Variants in SNAP91 observed in about 807,000 individuals in gnomAD.
SNAP91 encodes the protein synaptosome associated protein 91.
Under a neutral mutation model 100.3 loss-of-function variants are expected in SNAP91, and 27 were observed. The observed-to-expected ratio is 0.27, with a 90% CI of 0.20 to 0.37. The LOEUF is 0.37. Among genes scored for constraint, SNAP91 ranks in the 10% least tolerant of loss-of-function variants. The pLI is 1.00. For synonymous variants in SNAP91, 404 were observed against 398.6 expected (o/e 1.01, Z -0.16); for missense variants, 986 against 1,123.7 (o/e 0.88, Z 1.75).
At chr6:83,632,626 A>G in intron 8 of SNAP91, among the ~76,000 whole-genome samples, 1 of 152,224 alleles carries the variant, frequency 6.6e-6, no homozygotes. Flanking sequence ...TAATTTGAAG[A>G]CCTTGTCTTT....
chr6:83,693,815 T>C (rs1003416684), intron 2 of SNAP91, among the ~76,000 whole-genome samples: 4 of 152,206 alleles, frequency 2.6e-5, no homozygotes, highest in Admixed American at 2.0e-4. Flanking sequence ...GAACCATCCA[T>C]GCTGAATGCC....
At chr6:83,632,415 T>C (rs1335355032) in intron 8 of SNAP91, among the ~76,000 whole-genome samples, 1 of 152,214 alleles carries the variant, frequency 6.6e-6, no homozygotes, top group Non-Finnish European at 1.5e-5. Context: ...TTTGTGCTTC[T>C]TGTATTTGTA....
At chr6:83,672,885 T>C (rs2098808015) in intron 2 of SNAP91, among the ~76,000 whole-genome samples, 1 of 152,162 alleles carries the variant, frequency 6.6e-6, no homozygotes, top group East Asian at 1.9e-4. Flanking sequence ...AGTTTAATTA[T>C]ATGACTCTGT....
chr6:83,656,601 G>A (rs1011991189), intron 7 of SNAP91, among the ~76,000 whole-genome samples, 153 bp downstream of exon 7: 4 of 151,852 alleles, frequency 2.6e-5, no homozygotes, highest in African/African-American at 7.3e-5. Flanking sequence ...TGCCCATATC[G>A]TTCTGCCAGT....
intron 14 of SNAP91, among the ~76,000 whole-genome samples, chr6:83,603,437 C>T (rs974892799): frequency 1.3e-5 from 2 of 151,774 alleles, no homozygotes; most frequent in African/African-American, 4.8e-5. Context: ...CTATGTTGCT[C>T]AGGCTGGACT....
intron 2 of SNAP91, among the ~76,000 whole-genome samples, chr6:83,671,856 G>T (rs959998495): frequency 1.3e-5 from 2 of 151,952 alleles, no homozygotes; most frequent in African/African-American, 4.8e-5. Context: ...AAAGATAGCT[G>T]TTTATGACAG....
intron 26 of SNAP91, among the ~76,000 whole-genome samples, chr6:83,563,439 A>G (rs181784248): frequency 2.4e-3 from 363 of 152,318 alleles, no homozygotes; most frequent in African/African-American, 8.4e-3. Flanking sequence ...AGTGACTGAA[A>G]AAAAATGACT....
intron 21 of SNAP91, 98 bp from the exon 22 acceptor site, chr6:83,591,392 C>G: frequency 1.3e-6 from 1 of 749,728 alleles, no homozygotes; most frequent in Admixed American, 1.9e-5. Flanking sequence ...AGAGACATGA[C>G]AGTGTACAGT....
Position 83,707,788 on chromosome 6 carries a change from A to T in SNAP91, c.130+10T>A. The T allele has an allele frequency of 6.2e-7, 1 of 1,612,562 alleles. No homozygotes were observed. Among genetic ancestry groups the T allele is most frequent in the East Asian group, 2.2e-5 (1 of 44,822 alleles). On this transcript the variant is annotated intron_variant, in intron 2 of 29. Transcript: ENST00000369694. The stretch of plus-strand genomic sequence containing the variant: ...GTGCGCATGTCCCTCTTATATAAAG[A>T]GATGCTTACAGTCCAGGTGCTTTTT...
intron 16 of SNAP91, among the ~76,000 whole-genome samples, chr6:83,594,944 C>A (rs1440014388): frequency 6.6e-6 from 1 of 152,084 alleles, no homozygotes. Context: ...ATTAAATATA[C>A]AATGGCAATG....
At chr6:83,682,891 C>G (rs1587370249) in intron 2 of SNAP91, among the ~76,000 whole-genome samples, 1 of 152,020 alleles carries the variant, frequency 6.6e-6, no homozygotes, top group East Asian at 1.9e-4. Flanking sequence ...ATTCCCTAAT[C>G]TCACACCTTC....
At chr6:83,618,676 A>G (rs2096595045) in intron 9 of SNAP91, among the ~76,000 whole-genome samples, 1 of 151,968 alleles carries the variant, frequency 6.6e-6, no homozygotes, top group Non-Finnish European at 1.5e-5. Context: ...AAATTGTCAT[A>G]CTAATTGCCA....
Position 83,707,970 on chromosome 6 carries a change from A to G in SNAP91, c.-30-13T>C. ...ACCGCCTCCTCTTCTGCAGGAAACA[A>G]GGGGAGACGGTCCGGCTTTAATCCG... On this transcript the variant is annotated splice_polypyrimidine_tract_variant and intron_variant, in intron 1 of 29. Coordinates refer to ENST00000369694, the MANE Select transcript of SNAP91 (RefSeq NM_001242792.2). 1.3e-6 allele frequency: 2 copies of G among 1,537,454 alleles called. No homozygotes were observed. The highest frequency in any genetic ancestry group is 1.7e-6 in the Non-Finnish European group (2 of 1,152,980).
At chr6:83,561,387 G>T (rs1352545282) in intron 26 of SNAP91, among the ~76,000 whole-genome samples, 1 of 152,150 alleles carries the variant, frequency 6.6e-6, no homozygotes, top group Non-Finnish European at 1.5e-5. Flanking sequence ...TAAAGTGAAT[G>T]CATGCCAAAT....
chr6:83,628,051 T>G (rs1398618293), intron 8 of SNAP91, among the ~76,000 whole-genome samples: 1 of 151,654 alleles, frequency 6.6e-6, no homozygotes, highest in Non-Finnish European at 1.5e-5. Context: ...TGTGTCATTC[T>G]TATGCCTTTG....
At chr6:83,618,579 T>A (rs1562369520) in intron 9 of SNAP91, among the ~76,000 whole-genome samples, 1 of 151,912 alleles carries the variant, frequency 6.6e-6, no homozygotes, top group Admixed American at 6.6e-5. Flanking sequence ...GAAATGCTCA[T>A]TGAATAAAGA....
At chr6:83,688,163 T>C (rs1251618105) in intron 2 of SNAP91, among the ~76,000 whole-genome samples, 1 of 152,200 alleles carries the variant, frequency 6.6e-6, no homozygotes, top group African/African-American at 2.4e-5. Flanking sequence ...ATCTAGTCTC[T>C]CCATTTTATT....
At chr6:83,560,748 G>T in intron 27 of SNAP91, 116 bp downstream of exon 27, 1 of 878,116 alleles carries the variant, frequency 1.1e-6, no homozygotes, top group South Asian at 1.5e-5. Context: ...AACTTTTTAA[G>T]TTTTACTTAC....
rs1829624123 is a variant in SNAP91 at position 83,582,339 on chromosome 6, T to A, written c.2032A>T (p.Met678Leu). 6.2e-7 allele frequency: 1 copy of A among 1,612,336 alleles called. No homozygotes were observed. The highest frequency in any genetic ancestry group is 8.5e-7 in the Non-Finnish European group (1 of 1,179,200). ...GTCACTGGAGATGGGGAAGGCGCCA[T>A]GAAAGAACCCCCAAATCCTGAAAAA... ...DLLAGFGGSF[M>L]APSPSPVTPA... Residue 678 changes from methionine (M) to leucine (L), a missense_variant, in exon 23 of 30, where the codon ATG becomes TTG. By Grantham distance (15) the Met-to-Leu change is conservative. Around this residue, in one of 4 missense-constraint regions of SNAP91, gnomAD observed 575 missense variants for 579.9 expected, o/e 0.99. Coordinates refer to ENST00000369694, the MANE Select transcript of SNAP91 (RefSeq NM_001242792.2).
Sources: allele counts gnomAD v4.1 joint callset (sites outside exome capture counted in the v4.1 genomes callset), GRCh38; gene constraint gnomAD v4.1.1; regional missense constraint gnomAD v4.1.1; transcripts MANE v1.5; gene names NCBI Gene and HGNC (gene_info 2026-07-23, HGNC 2026-07-21).